The following EXOC2 variants were observed in gnomAD, a reference collection of about 807,000 sequenced individuals.
EXOC2 encodes exocyst complex component 2.
Under a neutral mutation model 131.8 loss-of-function variants are expected in EXOC2, and 70 were observed. The ratio of observed to expected loss-of-function variants is 0.53; its 90% confidence interval spans 0.44 to 0.65. The LOEUF (loss-of-function observed/expected upper bound fraction) is 0.65. Among genes scored for constraint, EXOC2 ranks in the 30% least tolerant of loss-of-function variants. The probability of loss-of-function intolerance (pLI) is 0.00; values close to 1 mark genes in which losing one functional copy is unlikely to be tolerated. For synonymous variants in EXOC2, 411 were observed against 398.4 expected, an observed-to-expected ratio of 1.03 and a Z score of -0.38; for missense variants, 923 against 1,108.6, an observed-to-expected ratio of 0.83 and a Z score of 2.38.
chr6:571,167 A>C (rs370826987), intron 13 of EXOC2, among the ~76,000 whole-genome samples: 3 of 152,236 alleles, frequency 2.0e-5, no homozygotes, highest in Non-Finnish European at 4.4e-5. Context: ...TGTATAGTCA[A>C]CTTTTCAATA....
At chr6:534,387 T>C (rs566188277) in intron 22 of EXOC2, among the ~76,000 whole-genome samples, 98 of 151,996 alleles carry the variant, frequency 6.4e-4, no homozygotes, top group African/African-American at 2.1e-3. Context: ...GCAACTACTG[T>C]TAAAGTTTCT....
chr6:517,100 G>T (rs868083060), intron 23 of EXOC2, among the ~76,000 whole-genome samples: 4 of 152,316 alleles, frequency 2.6e-5, no homozygotes, highest in Non-Finnish European at 5.9e-5. Context: ...CTGAACGAGA[G>T]CTATGGGGTT....
At chr6:505,659 G>A (rs533760189) in intron 23 of EXOC2, among the ~76,000 whole-genome samples, 9 of 152,276 alleles carry the variant, frequency 5.9e-5, no homozygotes, top group East Asian at 5.8e-4. Flanking sequence ...CTGTGTCCCC[G>A]GTCCCACTGG....
At position 687,339 on chromosome 6, in the gene EXOC2, C is replaced by T. The variant is rs536335531; in HGVS notation, c.-44+5680G>A. Among the ~76,000 whole-genome samples the T allele has an allele frequency of 9.9e-5, 15 of 151,906 alleles. No homozygotes were observed. The East Asian group carries it at 2.5e-3, about 25-fold the overall frequency. Reference sequence around the variant, plus strand: ...GGGACCACAGACATGTACCACCACACTCGGCTAACTTTTTTCTAATTTTTG... The same window carrying T: ...GGGACCACAGACATGTACCACCACATTCGGCTAACTTTTTTCTAATTTTTG... On this transcript the variant is annotated intron_variant, in intron 1 of 27. Transcript: ENST00000230449.
At chr6:502,241 T>C (rs944939525) in intron 23 of EXOC2, among the ~76,000 whole-genome samples, 1 of 152,178 alleles carries the variant, frequency 6.6e-6, no homozygotes, top group Non-Finnish European at 1.5e-5. Flanking sequence ...GCCTCTGCCC[T>C]CAGTGAGAAC....
intron 23 of EXOC2, among the ~76,000 whole-genome samples, chr6:501,652 T>TATATATATCTATCTATAAA (rs1764201703): frequency 9.3e-6 from 1 of 108,088 alleles, no homozygotes. Flanking sequence ...TATATATAGA[T>TATATATATCTATCTATAAA]AGATATATCT....
rs1427621206 is a variant in EXOC2 at position 676,709 on chromosome 6, G to A, written c.-44+16310C>T. 8.1e-5 allele frequency among the ~76,000 whole-genome samples: 6 copies of A among 73,634 alleles called. 1 individual carries two copies. The highest frequency in any genetic ancestry group is 6.9e-3 in the Middle Eastern group (1 of 144). 48.3% of individuals were successfully genotyped at this position (73,634 alleles called of 152,430 possible). On this transcript the variant is annotated intron_variant, in intron 1 of 27. Coordinates refer to ENST00000230449, the MANE Select transcript of EXOC2 (RefSeq NM_018303.6). ...GGTTCCCCATACTCTTCAACATTAC[G>A]GAAAGGACAGGTTCCTCTGGAGACT...
intron 1 of EXOC2, among the ~76,000 whole-genome samples, chr6:655,313 A>G (rs1763023108): frequency 6.6e-6 from 1 of 152,260 alleles, no homozygotes; most frequent in Admixed American, 6.5e-5. Flanking sequence ...CCAATGAAGT[A>G]TTTTAAAATT....
chr6:652,628 T>C (rs1448168352), intron 1 of EXOC2, among the ~76,000 whole-genome samples: 1 of 152,190 alleles, frequency 6.6e-6, no homozygotes, highest in Non-Finnish European at 1.5e-5. Context: ...TTTTATAACC[T>C]CTCTTCGTTT....
At chr6:584,226 C>G (rs573149459) in intron 11 of EXOC2, among the ~76,000 whole-genome samples, 15 of 152,060 alleles carry the variant, frequency 9.9e-5, no homozygotes, top group Non-Finnish European at 2.9e-5. Context: ...AATTTAATCT[C>G]GCATACAGGA....
chr6:597,841 T>C (rs911920654), intron 10 of EXOC2, among the ~76,000 whole-genome samples, 180 bp downstream of exon 10: 1 of 152,192 alleles, frequency 6.6e-6, no homozygotes, highest in Non-Finnish European at 1.5e-5. Context: ...CCCAAATCTA[T>C]TAGTATTCAA....
chr6:533,610 G>A (rs1050026207), intron 22 of EXOC2, among the ~76,000 whole-genome samples: 2 of 152,202 alleles, frequency 1.3e-5, no homozygotes, highest in Non-Finnish European at 2.9e-5. Context: ...GGGGGCTCCC[G>A]ATGGGAGTGG....
chr6:631,314 C>T (rs1443853861), intron 3 of EXOC2, among the ~76,000 whole-genome samples: 2 of 152,006 alleles, frequency 1.3e-5, no homozygotes, highest in African/African-American at 2.4e-5. Context: ...CCGAGGTGGG[C>T]GAATCACAAG....
intron 4 of EXOC2, among the ~76,000 whole-genome samples, chr6:621,179 T>C (rs1342273065): frequency 6.6e-6 from 1 of 152,160 alleles, no homozygotes; most frequent in Non-Finnish European, 1.5e-5. Flanking sequence ...AGAACACCCC[T>C]AAAATGCAGC....
chr6:690,288 C>T (rs1029615851), intron 1 of EXOC2, among the ~76,000 whole-genome samples: 1 of 152,020 alleles, frequency 6.6e-6, no homozygotes, highest in Non-Finnish European at 1.5e-5. Context: ...TCATGGCGCT[C>T]AAGGCTGCAG....
At chr6:572,269 T>C (rs1378928553) in intron 13 of EXOC2, among the ~76,000 whole-genome samples, 1 of 152,208 alleles carries the variant, frequency 6.6e-6, no homozygotes, top group African/African-American at 2.4e-5. Flanking sequence ...GCCTATCTCA[T>C]TTAATCCCTA....
intron 25 of EXOC2, among the ~76,000 whole-genome samples, chr6:492,311 G>A (rs532702877): frequency 6.6e-6 from 1 of 152,312 alleles, no homozygotes; most frequent in Admixed American, 6.5e-5. Context: ...AAAATTGCTG[G>A]TAGGAATGTC....
chr6:632,497 G>A (rs940214810), intron 3 of EXOC2, among the ~76,000 whole-genome samples: 2 of 152,206 alleles, frequency 1.3e-5, no homozygotes, highest in Non-Finnish European at 2.9e-5. Flanking sequence ...AAGCAGCCAA[G>A]CTAGGAAATG....
intron 11 of EXOC2, among the ~76,000 whole-genome samples, chr6:585,792 G>A (rs1359930103): frequency 2.0e-5 from 3 of 152,084 alleles, no homozygotes; most frequent in East Asian, 1.9e-4. Context: ...TTATTTTTCC[G>A]TTTGAAATAT....
Sources: gnomAD v4.1 joint callset for allele counts (sites outside exome capture counted in the v4.1 genomes callset) on GRCh38, gnomAD v4.1.1 for gene constraint, MANE v1.5 for transcripts, NCBI Gene and HGNC (gene_info 2026-07-23, HGNC 2026-07-21) for gene names.